RGS6: variants seen among roughly 807,000 people sequenced by gnomAD.
RGS6 encodes regulator of G protein signaling 6.
Under a neutral mutation model 78.5 loss-of-function variants are expected in RGS6, and 30 were observed. The observed-to-expected ratio is 0.38, with a 90% CI of 0.29 to 0.52. The LOEUF is 0.52. Ranked by LOEUF, RGS6 falls within the 20% of genes least tolerant of loss-of-function variation. The probability of loss-of-function intolerance (pLI) is 0.85; values close to 1 mark genes in which losing one functional copy is unlikely to be tolerated. For synonymous variants in RGS6, 206 were observed against 206.0 expected (o/e 1.00, Z 0.00); for missense variants, 495 against 609.7 (o/e 0.81, Z 1.98).
rs1201424307 is a variant in RGS6 at position 72,440,573 on chromosome 14, C to T, written c.185-13955C>T. Among the ~76,000 whole-genome samples the T allele has an allele frequency of 5.9e-5, 9 of 151,930 alleles. No homozygotes were observed. In the East Asian group the frequency reaches 1.6e-3, roughly 26 times the overall value. ...GATTACAGGTACATGCCACCATGCC[C>T]GGCTAATTTTTGTATTTTTAGTATA... is the stretch of plus-strand genomic sequence containing the variant. On this transcript the variant is annotated intron_variant, in intron 3 of 17. Transcript: ENST00000553525.
chr14:72,012,098 A>G (rs1449298768), intron 2 of RGS6, among the ~76,000 whole-genome samples: 5 of 152,226 alleles, frequency 3.3e-5, no homozygotes, highest in Non-Finnish European at 7.3e-5. Flanking sequence ...ATGTATCAGT[A>G]GGCATTTTAT....
intron 3 of RGS6, among the ~76,000 whole-genome samples, chr14:72,431,700 C>G (rs1299067604): frequency 2.0e-5 from 3 of 152,018 alleles, no homozygotes; most frequent in African/African-American, 7.3e-5. Flanking sequence ...CAGATGTTAG[C>G]TCTTAGAATC....
At position 72,489,163 on chromosome 14, in the gene RGS6, CA is replaced by C. The variant is rs67947503; in HGVS notation, c.855-5988del. On this transcript the variant is annotated intron_variant, in intron 12 of 17. Coordinates refer to ENST00000553525, the MANE Select transcript of RGS6 (RefSeq NM_001204424.2). Reference sequence around the variant, plus strand: ...CCTGGGAGGACAAAGGGGGCCCCCCCACCGGCTGTTTGCTCATCTCAGATTT... The same window carrying C: ...CCTGGGAGGACAAAGGGGGCCCCCCCCCGGCTGTTTGCTCATCTCAGATTT... Among the ~76,000 whole-genome samples the C allele has an allele frequency of 4.0e-3, 599 of 150,544 alleles. 14 individuals carry two copies. The highest frequency in any genetic ancestry group is 0.013 in the African/African-American group (525 of 41,150).
At chr14:71,890,358 C>CAGACAGACAGAGAGAG in the RGS6 span, among the ~76,000 whole-genome samples, 376 of 133,096 alleles carry the variant, frequency 2.8e-3, 1 homozygote, top group African/African-American at 0.011. Flanking sequence ...GTGCATAAGA[C>CAGACAGACAGAGAGAG]AGAGAGAGAG....
chr14:72,473,613 C>G (rs945881828), intron 9 of RGS6, among the ~76,000 whole-genome samples: 1 of 152,172 alleles, frequency 6.6e-6, no homozygotes, highest in Admixed American at 6.5e-5. Flanking sequence ...CTGTCGAATA[C>G]GGTTAATTCT....
the RGS6 span, among the ~76,000 whole-genome samples, chr14:71,915,212 G>C: frequency 1.3e-5 from 2 of 151,824 alleles, no homozygotes; most frequent in South Asian, 4.2e-4. Context: ...AGGCGAGATC[G>C]TGCCGCTGCA....
At chr14:71,887,757 G>T in the RGS6 span, among the ~76,000 whole-genome samples, 3 of 152,182 alleles carry the variant, frequency 2.0e-5, no homozygotes, top group African/African-American at 7.2e-5. Flanking sequence ...ACCCTTATCA[G>T]TGGTTCTGTT....
At chr14:72,424,320 C>T (rs990782609) in intron 3 of RGS6, among the ~76,000 whole-genome samples, 2 of 152,122 alleles carry the variant, frequency 1.3e-5, no homozygotes, top group African/African-American at 4.8e-5. Flanking sequence ...TGAAATGTTT[C>T]ACTTAAAAAG....
intron 2 of RGS6, among the ~76,000 whole-genome samples, chr14:72,269,691 A>G (rs1003254931): frequency 5.3e-5 from 8 of 149,866 alleles, no homozygotes; most frequent in Admixed American, 3.4e-4. Context: ...CAGCCTCCCA[A>G]ATAGCTGGGA....
chr14:72,349,859 G>A (rs2078788281), intron 2 of RGS6, among the ~76,000 whole-genome samples: 3 of 152,034 alleles, frequency 2.0e-5, no homozygotes, highest in African/African-American at 7.3e-5. Context: ...TTGAATTGTT[G>A]GTTTCCTTCC....
rs1000017973 is a variant in RGS6, at chr14:72,077,811, T to C, written c.84+112936T>C. On this transcript the variant is annotated intron_variant, in intron 2 of 17. Coordinates refer to ENST00000553525, the MANE Select transcript of RGS6 (RefSeq NM_001204424.2). ...GTTTCAAGAAAACCCCTAGGGGTAT[T>C]AGTATTTAGAGTGCATTAAATTTTT... Among the ~76,000 whole-genome samples, 7 of 152,220 alleles carry C rather than the reference T, an allele frequency of 4.6e-5. 1 individual carries two copies. Among genetic ancestry groups the C allele is most frequent in the Admixed American group, 6.5e-5 (1 of 15,288 alleles).
At chr14:71,870,211 CT>C in the RGS6 span, among the ~76,000 whole-genome samples, 2 of 151,974 alleles carry the variant, frequency 1.3e-5, no homozygotes, top group Admixed American at 1.3e-4. Context: ...TTTCTTTTTT[CT>C]TTTTTTCATT....
chr14:71,955,568 C>T (rs2092721131), intron 1 of RGS6, among the ~76,000 whole-genome samples: 2 of 152,120 alleles, frequency 1.3e-5, no homozygotes, highest in Admixed American at 6.6e-5. Flanking sequence ...TCTTGACTCC[C>T]CTTTTTAGGC....
intron 2 of RGS6, among the ~76,000 whole-genome samples, chr14:72,086,067 G>T (rs2095028518): frequency 6.6e-6 from 1 of 151,892 alleles, no homozygotes; most frequent in African/African-American, 2.4e-5. Context: ...TCTTCCCTTT[G>T]AGATATGCTG....
rs555218396 is a variant in RGS6 at position 72,529,208 on chromosome 14, C to T, written c.1279-6978C>T. ...GGCTGTGGAAAAGAGAGGCCCAGGC[C>T]AGAGGGAGGCTGAAGCCATGGGGTC... On this transcript the variant is annotated intron_variant, in intron 15 of 17. Transcript: ENST00000553525. Among the ~76,000 whole-genome samples, 7 of 152,278 alleles carry T rather than the reference C, an allele frequency of 4.6e-5. No individual in the cohort carries two copies. In the South Asian group the frequency reaches 1.5e-3, roughly 32 times the overall value.
intron 2 of RGS6, among the ~76,000 whole-genome samples, chr14:72,105,217 C>A (rs537327164): frequency 6.6e-6 from 1 of 152,304 alleles, no homozygotes; most frequent in African/African-American, 2.4e-5. Context: ...GACTCCTTGA[C>A]CAGTGGGACA....
chr14:72,288,043 A>T (rs2152306201), intron 2 of RGS6, among the ~76,000 whole-genome samples: 1 of 152,254 alleles, frequency 6.6e-6, no homozygotes, highest in East Asian at 1.9e-4. Flanking sequence ...ATATTCGCCT[A>T]TAGTTTTCTT....
intron 2 of RGS6, among the ~76,000 whole-genome samples, chr14:72,100,249 A>T (rs189079608): frequency 8.5e-5 from 13 of 152,282 alleles, no homozygotes; most frequent in Non-Finnish European, 1.8e-4. Context: ...TCAGGCCTGT[A>T]ATCCCAGCAC....
At chr14:71,927,000 A>G in the RGS6 span, among the ~76,000 whole-genome samples, 1 of 152,198 alleles carries the variant, frequency 6.6e-6, no homozygotes, top group Non-Finnish European at 1.5e-5. Flanking sequence ...TTGGTCAAGG[A>G]GACCTGTCCT....
Sources: gnomAD v4.1 joint callset for allele counts (sites outside exome capture counted in the v4.1 genomes callset) on GRCh38, gnomAD v4.1.1 for gene constraint, MANE v1.5 for transcripts, NCBI Gene and HGNC (gene_info 2026-07-23, HGNC 2026-07-21) for gene names.